The following LHFPL6 variants were observed in gnomAD, a reference collection of about 807,000 sequenced individuals.
The protein encoded by LHFPL6 is LHFPL tetraspan subfamily member 6 protein.
In LHFPL6, 9 loss-of-function variants were observed where a neutral mutation model predicts 20.6. The ratio of observed to expected loss-of-function variants is 0.44; its 90% CI spans 0.26 to 0.76. The LOEUF is 0.76. LHFPL6 is among the 30% of genes least tolerant of loss of function. LHFPL6 has a pLI of 0.20. For missense variants in LHFPL6, 218 were observed against 253.5 expected, an observed-to-expected ratio of 0.86 and a Z score of 0.95; for synonymous variants, 105 against 98.7, an observed-to-expected ratio of 1.06 and a Z score of -0.38.
chr13:39,466,712 T>C (rs1396871506), intron 2 of LHFPL6, among the ~76,000 whole-genome samples: 1 of 152,188 alleles, frequency 6.6e-6, no homozygotes, highest in East Asian at 1.9e-4. Context: ...CATCCCCATA[T>C]ACAACAAGGA....
chr13:39,393,666 A>G (rs1022194349), intron 2 of LHFPL6, among the ~76,000 whole-genome samples: 1 of 152,348 alleles, frequency 6.6e-6, no homozygotes, highest in East Asian at 1.9e-4. Flanking sequence ...GCCTTTACGT[A>G]GTAGCCAAAA....
intron 2 of LHFPL6, among the ~76,000 whole-genome samples, chr13:39,588,376 G>C (rs567013982): frequency 1.3e-5 from 2 of 152,314 alleles, no homozygotes; most frequent in South Asian, 4.1e-4. Flanking sequence ...CAACATACTT[G>C]AACTTGGTAT....
At chr13:39,503,801 A>C (rs768891008) in intron 2 of LHFPL6, among the ~76,000 whole-genome samples, 31 of 152,232 alleles carry the variant, frequency 2.0e-4, no homozygotes, top group Admixed American at 2.0e-4. Context: ...ACAGTTTGAC[A>C]AGCAGACTTA....
chr13:39,379,052 A>G (rs1453497368), intron 2 of LHFPL6, among the ~76,000 whole-genome samples: 3 of 151,752 alleles, frequency 2.0e-5, no homozygotes, highest in Non-Finnish European at 4.4e-5. Context: ...ACTGCCCATT[A>G]TTAGGCGATG....
intron 2 of LHFPL6, among the ~76,000 whole-genome samples, chr13:39,598,247 T>C (rs1206494240): frequency 1.3e-5 from 2 of 151,664 alleles, no homozygotes; most frequent in African/African-American, 4.9e-5. Flanking sequence ...ACCCAAACAA[T>C]TATGAAATGA....
intron 2 of LHFPL6, among the ~76,000 whole-genome samples, chr13:39,461,418 T>G (rs1872685012): frequency 6.6e-6 from 1 of 152,192 alleles, no homozygotes; most frequent in African/African-American, 2.4e-5. Context: ...TCCAAACTGC[T>G]TTCCACAGTG....
intron 2 of LHFPL6, among the ~76,000 whole-genome samples, chr13:39,428,110 C>T (rs1047979200): frequency 1.3e-5 from 2 of 152,120 alleles, no homozygotes; most frequent in African/African-American, 4.8e-5. Flanking sequence ...CCAATTAAAG[C>T]TCTTTTCTTT....
intron 2 of LHFPL6, among the ~76,000 whole-genome samples, chr13:39,474,143 G>C (rs973130052): frequency 3.9e-5 from 6 of 152,180 alleles, no homozygotes; most frequent in Non-Finnish European, 8.8e-5. Context: ...TATTTTATGG[G>C]TATGCCTTTT....
At chr13:39,374,146 T>C (rs556372020) in intron 3 of LHFPL6, among the ~76,000 whole-genome samples, 13 of 152,186 alleles carry the variant, frequency 8.5e-5, no homozygotes, top group Admixed American at 3.3e-4. Context: ...CAATGGTGGA[T>C]TGGATAAAGA....
intron 3 of LHFPL6, among the ~76,000 whole-genome samples, chr13:39,365,856 G>A (rs1869996688): frequency 6.6e-6 from 1 of 152,134 alleles, no homozygotes; most frequent in Non-Finnish European, 1.5e-5. Flanking sequence ...AACACTTTAG[G>A]GATGATCAAG....
At chr13:39,456,800 CTTT>C in intron 2 of LHFPL6, among the ~76,000 whole-genome samples, 2 of 143,730 alleles carry the variant, frequency 1.4e-5, no homozygotes, top group South Asian at 2.2e-4. Context: ...ACAAAGATTT[CTTT>C]TTTTTTTTTT....
At chr13:39,506,748 T>C (rs1443893412) in intron 2 of LHFPL6, among the ~76,000 whole-genome samples, 1 of 152,080 alleles carries the variant, frequency 6.6e-6, no homozygotes, top group African/African-American at 2.4e-5. Flanking sequence ...GGAAAAATAA[T>C]GTGAGATCTC....
At chr13:39,505,001 C>T (rs571382819) in intron 2 of LHFPL6, among the ~76,000 whole-genome samples, 9 of 152,158 alleles carry the variant, frequency 5.9e-5, no homozygotes, top group African/African-American at 1.2e-4. Context: ...TTTTTTCCAT[C>T]AACTAGGAAA....
At chr13:39,594,691 A>C (rs1308228371) in intron 2 of LHFPL6, among the ~76,000 whole-genome samples, 1 of 152,258 alleles carries the variant, frequency 6.6e-6, no homozygotes, top group East Asian at 1.9e-4. Context: ...AGCACTATTC[A>C]CAAAAGCAAA....
chr13:39,522,632 C>G (rs1226048659), intron 2 of LHFPL6, among the ~76,000 whole-genome samples: 1 of 152,178 alleles, frequency 6.6e-6, no homozygotes, highest in East Asian at 1.9e-4. Context: ...TCCTATTTCC[C>G]CAAACAAGAT....
intron 2 of LHFPL6, among the ~76,000 whole-genome samples, chr13:39,479,128 T>TCTAC (rs1247330007): frequency 7.7e-6 from 1 of 130,474 alleles, no homozygotes; most frequent in East Asian, 2.0e-4. Flanking sequence ...CATCTATCTA[T>TCTAC]CTATCTATCT....
intron 2 of LHFPL6, among the ~76,000 whole-genome samples, chr13:39,561,313 T>C (rs9548822): frequency 0.34 from 51,660 of 151,838 alleles, 9,928 homozygotes; most frequent in Non-Finnish European, 0.43. Flanking sequence ...ACCAGCAGCA[T>C]TGATGTCTCC....
intron 2 of LHFPL6, among the ~76,000 whole-genome samples, chr13:39,540,928 T>C (rs1209880448): frequency 6.6e-6 from 1 of 152,222 alleles, no homozygotes; most frequent in Non-Finnish European, 1.5e-5. Context: ...AACTATAAAA[T>C]GTACATTTCA....
chr13:39,488,111 T>C (rs953661876), intron 2 of LHFPL6, among the ~76,000 whole-genome samples: 5 of 152,078 alleles, frequency 3.3e-5, no homozygotes, highest in African/African-American at 1.2e-4. Flanking sequence ...ATGAACGGGA[T>C]TAATGCCCTT....
Sources: gnomAD v4.1 joint callset for allele counts (sites outside exome capture counted in the v4.1 genomes callset) on GRCh38, gnomAD v4.1.1 for gene constraint, MANE v1.5 for transcripts, NCBI Gene and HGNC (gene_info 2026-07-23, HGNC 2026-07-21) for gene names.